PMM2: variants seen among roughly 807,000 people sequenced by gnomAD.
The protein encoded by PMM2 is mannose-6-phosphate isomerase.
PMM2 carries 35 observed loss-of-function variants against 33.2 expected under a neutral mutation model. That is an observed-to-expected ratio of 1.06 (90% CI 0.81 to 1.40). The LOEUF (loss-of-function observed/expected upper bound fraction) is 1.40, where lower values mean the gene tolerates loss of function less well. Among genes scored for constraint, PMM2 ranks in the 40% most tolerant of loss-of-function variants. The pLI is 0.00. For missense variants in PMM2, 386 were observed against 306.0 expected, an observed-to-expected ratio of 1.26 and a Z score of -1.95; for synonymous variants, 153 against 114.7, an observed-to-expected ratio of 1.33 and a Z score of -2.13.
At chr16:8,829,847 C>G (rs777298345) in intron 7 of PMM2, among the ~76,000 whole-genome samples, 1 of 152,214 alleles carries the variant, frequency 6.6e-6, no homozygotes, top group African/African-American at 2.4e-5. Context: ...ACACATACAG[C>G]AAAACACCTT....
chr16:8,808,380 A>C (rs1226942192), intron 4 of PMM2: 1 of 152,216 alleles, frequency 6.6e-6, no homozygotes, highest in Non-Finnish European at 1.5e-5. Flanking sequence ...TTTAAAAAAA[A>C]AAAAGGCATA....
At chr16:8,801,294 T>A (rs930486598) in intron 1 of PMM2, among the ~76,000 whole-genome samples, 2 of 152,228 alleles carry the variant, frequency 1.3e-5, no homozygotes, top group Non-Finnish European at 2.9e-5. Flanking sequence ...AAAATAACAC[T>A]TAAGTTTATT....
At chr16:8,827,215 A>G (rs967026412) in intron 7 of PMM2, among the ~76,000 whole-genome samples, 1 of 151,958 alleles carries the variant, frequency 6.6e-6, no homozygotes, top group African/African-American at 2.4e-5. Context: ...AGGAGTCCCC[A>G]GCTGTCAGAA....
At chr16:8,840,917 T>C (rs1396623161) in intron 7 of PMM2, among the ~76,000 whole-genome samples, 1 of 151,964 alleles carries the variant, frequency 6.6e-6, no homozygotes, top group Non-Finnish European at 1.5e-5. Context: ...ATTTCCTGTC[T>C]AGCCTGCTGG....
At chr16:8,839,521 G>A (rs189778714) in intron 7 of PMM2, among the ~76,000 whole-genome samples, 127 of 152,096 alleles carry the variant, frequency 8.3e-4, no homozygotes, top group African/African-American at 2.7e-3. Context: ...TATTATTTTC[G>A]GGGCTGGGTA....
intron 7 of PMM2, among the ~76,000 whole-genome samples, chr16:8,819,296 G>A (rs1163994636): frequency 6.6e-6 from 1 of 152,180 alleles, no homozygotes; most frequent in Non-Finnish European, 1.5e-5. Context: ...TTTGTTAGGT[G>A]ATCAAAGCAA....
At chr16:8,844,803 G>T (rs1238700721) in intron 7 of PMM2, among the ~76,000 whole-genome samples, 1 of 152,246 alleles carries the variant, frequency 6.6e-6, no homozygotes, top group Non-Finnish European at 1.5e-5. Context: ...AGAGATTGAA[G>T]TGTGGCGCCT....
chr16:8,823,065 C>T (rs1252943547), intron 7 of PMM2, among the ~76,000 whole-genome samples: 1 of 152,154 alleles, frequency 6.6e-6, no homozygotes, highest in Non-Finnish European at 1.5e-5. Context: ...TTTAAATATA[C>T]TCATCCTTAT....
At chr16:8,814,055 T>G (rs1357309847) in intron 7 of PMM2, among the ~76,000 whole-genome samples, 1 of 151,864 alleles carries the variant, frequency 6.6e-6, no homozygotes, top group East Asian at 1.9e-4. Flanking sequence ...TTAGTAGAGA[T>G]AGGGTTTTAC....
chr16:8,842,268 G>T (rs1266887852), intron 7 of PMM2: 1 of 152,428 alleles, frequency 6.6e-6, no homozygotes, highest in Non-Finnish European at 1.5e-5. Flanking sequence ...GCTTTGGAGG[G>T]GGATACCTGA....
At position 8,848,327 on chromosome 16, in the gene PMM2, G is replaced by C. The variant is rs899109849; in HGVS notation, c.*502G>C. ...GAAGTTTACAAACACCTCCTGGAACGAAGCTCCCGCCTGCATGTCACCTTG... is the reference window on the plus strand; with the variant it reads ...GAAGTTTACAAACACCTCCTGGAACCAAGCTCCCGCCTGCATGTCACCTTG... On this transcript the variant is annotated 3_prime_UTR_variant, in exon 8 of 8. Coordinates refer to ENST00000268261, the MANE Select transcript of PMM2 (RefSeq NM_000303.3). The C allele has an allele frequency of 1.1e-5, 2 of 189,384 alleles. No homozygotes were observed. The highest frequency in any genetic ancestry group is 4.7e-5 in the African/African-American group (2 of 42,440). 11.7% of individuals were successfully genotyped at this position (189,384 alleles called of 1,614,324 possible).
chr16:8,832,482 A>T (rs2060816539), intron 7 of PMM2: 1 of 985,130 alleles, frequency 1.0e-6, no homozygotes. Flanking sequence ...ACGGGAGGAG[A>T]CTCGTGCCGT....
At chr16:8,840,663 G>A (rs1380281143) in intron 7 of PMM2, among the ~76,000 whole-genome samples, 1 of 152,012 alleles carries the variant, frequency 6.6e-6, no homozygotes, top group Admixed American at 6.6e-5. Context: ...GCAACTTCCA[G>A]GAGGAAGAGG....
At chr16:8,807,809 G>A (rs2060655690) in intron 4 of PMM2, 1 of 152,154 alleles carries the variant, frequency 6.6e-6, no homozygotes, top group Non-Finnish European at 1.5e-5. Context: ...TAAATGTTTG[G>A]TTTGGGGACC....
Position 8,836,509 on chromosome 16 carries a change from G to T in PMM2, c.640-11215G>T, listed in dbSNP as rs554121911. Among the ~76,000 whole-genome samples the T allele has an allele frequency of 1.8e-3, 270 of 152,140 alleles. 7 individuals carry two copies. Among genetic ancestry groups the T allele is most frequent in the Non-Finnish European group, 2.8e-4 (19 of 67,990 alleles). On this transcript the variant is annotated intron_variant, in intron 7 of 7. Coordinates refer to ENST00000268261, the MANE Select transcript of PMM2 (RefSeq NM_000303.3). Reference sequence around the variant, plus strand: ...CTGGGGGAGGAGGTTCTGGAGGAACGCCTGGCTGCTGCGGTTCAGGCGTTT... The same window carrying T: ...CTGGGGGAGGAGGTTCTGGAGGAACTCCTGGCTGCTGCGGTTCAGGCGTTT...
intron 7 of PMM2, among the ~76,000 whole-genome samples, chr16:8,840,198 G>C (rs1371695308): frequency 6.6e-6 from 1 of 151,810 alleles, no homozygotes; most frequent in African/African-American, 2.4e-5. Context: ...CTGGGGAGAG[G>C]TAGAGGGTGG....
chr16:8,844,862 G>A (rs775399045), intron 7 of PMM2, among the ~76,000 whole-genome samples: 25 of 152,208 alleles, frequency 1.6e-4, no homozygotes, highest in Non-Finnish European at 3.2e-4. Context: ...GGAGAAGAGA[G>A]TAAAAAGAGG....
chr16:8,844,772 G>A (rs987579201), intron 7 of PMM2, among the ~76,000 whole-genome samples: 4 of 152,182 alleles, frequency 2.6e-5, no homozygotes, highest in Non-Finnish European at 5.9e-5. Context: ...AAAATGAAAG[G>A]AATTGAAATT....
At chr16:8,809,278 G>A (rs1433261355) in intron 4 of PMM2, 1 of 152,182 alleles carries the variant, frequency 6.6e-6, no homozygotes, top group Non-Finnish European at 1.5e-5. Context: ...AAAGATGAGG[G>A]AAAATGTTTC....
Sources: allele counts gnomAD v4.1 joint callset (sites outside exome capture counted in the v4.1 genomes callset), GRCh38; gene constraint gnomAD v4.1.1; transcripts MANE v1.5; gene names NCBI Gene and HGNC (gene_info 2026-07-23, HGNC 2026-07-21).